Variants in AVPR1B observed in about 807,000 individuals in gnomAD.
The protein encoded by AVPR1B is arginine vasopressin receptor 1B, also known as vasopressin V1b receptor.
In AVPR1B, 25 loss-of-function variants were observed where a neutral mutation model predicts 27.5. The ratio of observed to expected loss-of-function variants is 0.91; its 90% confidence interval spans 0.66 to 1.27. AVPR1B has a LOEUF of 1.27. Among genes scored for constraint, AVPR1B ranks in the 50% most tolerant of loss-of-function variants. The pLI is 0.00. For missense variants in AVPR1B, 595 were observed against 556.9 expected (o/e 1.07, Z -0.69); for synonymous variants, 248 against 240.2 (o/e 1.03, Z -0.30).
Position 206,116,222 on chromosome 1 carries a change from G to A in AVPR1B, c.669C>T (p.Cys223=), listed in dbSNP as rs537657375. The change falls in exon 1 of 2, where the codon TGC becomes TGT. Residue 223 remains cysteine, a synonymous_variant. Transcript: ENST00000367126. The part of the protein sequence containing the change: ...TMLTACYSLI[C]HEICKNLKVK... Reference sequence around the variant, plus strand: ...CTTTTAGGTTTTTACAGATCTCATGGCAGATGAGGCTGTAGCAGGCCGTGA... The same window carrying A: ...CTTTTAGGTTTTTACAGATCTCATGACAGATGAGGCTGTAGCAGGCCGTGA... The A allele has an allele frequency of 1.9e-6, 3 of 1,613,970 alleles. No individual in the cohort carries two copies. In the Admixed American group the frequency reaches 5.0e-5, roughly 27 times the overall value.
intron 1 of AVPR1B, among the ~76,000 whole-genome samples, chr1:206,113,102 C>A (rs1421565692): frequency 1.3e-5 from 2 of 152,154 alleles, no homozygotes; most frequent in African/African-American, 4.8e-5. Flanking sequence ...TCCACAGGTT[C>A]CTTCATTTAG....
At position 206,116,309 on chromosome 1, in the gene AVPR1B, C is replaced by A; in HGVS notation, c.582G>T (p.Trp194Cys). 1.2e-6 allele frequency: 2 copies of A among 1,613,550 alleles called. No homozygotes were observed. The highest frequency in any genetic ancestry group is 1.7e-6 in the Non-Finnish European group (2 of 1,180,034). ...LDCWADFGFP[W>C]GPRAYLTWTT... ...TCCAGGTGAGGTAGGCCCGTGGCCCCCAAGGGAAGCCGAAGTCTGCCCAGC... is the reference window on the plus strand; with the variant it reads ...TCCAGGTGAGGTAGGCCCGTGGCCCACAAGGGAAGCCGAAGTCTGCCCAGC... Residue 194 changes from tryptophan (W) to cysteine (C), a missense_variant, in exon 1 of 2, where the codon TGG becomes TGT. Transcript: ENST00000367126.
Position 206,110,207 on chromosome 1 carries a change from A to C in AVPR1B, c.1257T>G (p.Ala419=). 1 of 1,611,520 alleles carries C rather than the reference A, an allele frequency of 6.2e-7. No individual in the cohort carries two copies. Among genetic ancestry groups the C allele is most frequent in the African/African-American group, 1.3e-5 (1 of 74,994 alleles). Residue 419 remains alanine (A), a synonymous_variant, in exon 2 of 2, where the codon GCT becomes GCG. Coordinates refer to ENST00000367126, the MANE Select transcript of AVPR1B (RefSeq NM_000707.5). ...DLELADGEGT[A]ETIIF ...GTCTTTCCTAAAAGATGATGGTCTCAGCGGTGCCTTCCCCATCTGCCAGCT... is the reference window on the plus strand; with the variant it reads ...GTCTTTCCTAAAAGATGATGGTCTCCGCGGTGCCTTCCCCATCTGCCAGCT...
In AVPR1B at chr1:206,116,428, C is replaced by T. The variant is rs1663472533; in HGVS notation, c.463G>A (p.Ala155Thr). Residue 155 changes from alanine (A) to threonine (T), a missense_variant, in exon 1 of 2, where the codon GCT (alanine) becomes ACT (threonine). By Grantham distance (58) the Ala-to-Thr change is moderately conservative. Transcript: ENST00000367126. ...ATGGCGGCCAGCAGCCAGGGAGCAG[C>T]GATGAGCAGGTAGGTGGACTGGCCT... is the stretch of plus-strand genomic sequence containing the variant. ...QPGQSTYLLI[A>T]APWLLAAIFS... 6.2e-7 allele frequency: 1 copy of T among 1,613,872 alleles called. No homozygotes were observed. Among genetic ancestry groups the T allele is most frequent in the South Asian group, 1.1e-5 (1 of 91,086 alleles).
chr1:206,115,228 G>A lies in AVPR1B; in HGVS notation c.940+723C>T, dbSNP rs940093995. 1.4e-4 allele frequency among the ~76,000 whole-genome samples: 22 copies of A among 151,946 alleles called. 1 individual carries two copies. Among genetic ancestry groups the A allele is most frequent in the South Asian group, 2.1e-4 (1 of 4,814 alleles). ...ATGCTGGTTAAAGATTAGGCAGCTC[G>A]GGGAAGAGAAAAAAAAAACACATAA... On this transcript the variant is annotated intron_variant, in intron 1 of 1. Coordinates refer to ENST00000367126, the MANE Select transcript of AVPR1B (RefSeq NM_000707.5).
At position 206,116,916 on chromosome 1, in the gene AVPR1B, A is replaced by C. The variant is rs1470596937; in HGVS notation, c.-26T>G. On this transcript the variant is annotated 5_prime_UTR_variant, in exon 1 of 2. Transcript: ENST00000367126. Reference sequence around the variant, plus strand: ...GAGCAAGGTTTGCTGGGAGGGAAGGATGAAGGGAGGGTGTGGATGCAAGTG... The same window carrying C: ...GAGCAAGGTTTGCTGGGAGGGAAGGCTGAAGGGAGGGTGTGGATGCAAGTG... 1.3e-6 allele frequency: 2 copies of C among 1,579,670 alleles called. No homozygotes were observed. The highest frequency in any genetic ancestry group is 4.5e-5 in the East Asian group (2 of 44,586).
At chr1:206,115,717 A>C (rs1663451756) in intron 1 of AVPR1B, among the ~76,000 whole-genome samples, 1 of 152,224 alleles carries the variant, frequency 6.6e-6, no homozygotes, top group African/African-American at 2.4e-5. Context: ...TAAAATTGTT[A>C]GTTACCAAAA....
chr1:206,107,645 G>T lies in AVPR1B; in HGVS notation c.*2544C>A, dbSNP rs1553289182. ...CCACCACCCCAAGTAAATTATTCTT[G>T]TGCAATGCAAAACAGAAAATATCAT... On this transcript the variant is annotated 3_prime_UTR_variant, in exon 2 of 2. Coordinates refer to ENST00000367126, the MANE Select transcript of AVPR1B (RefSeq NM_000707.5). 6.6e-6 allele frequency among the ~76,000 whole-genome samples: 1 copy of T among 152,208 alleles called. No individual in the cohort carries two copies. Among genetic ancestry groups the T allele is most frequent in the Non-Finnish European group, 1.5e-5 (1 of 68,048 alleles).
chr1:206,110,797 T>G (rs1306644611), intron 1 of AVPR1B, among the ~76,000 whole-genome samples: 1 of 152,142 alleles, frequency 6.6e-6, no homozygotes, highest in Non-Finnish European at 1.5e-5. Flanking sequence ...CAAGTTTAAT[T>G]GAGAAGAAGG....
chr1:206,113,111 A>T (rs1009605053), intron 1 of AVPR1B, among the ~76,000 whole-genome samples: 1 of 152,174 alleles, frequency 6.6e-6, no homozygotes, highest in South Asian at 2.1e-4. Flanking sequence ...TCCTTCATTT[A>T]GGAAGTGCCT....
chr1:206,115,979 G>A lies in AVPR1B; in HGVS notation c.912C>T (p.Ser304=), dbSNP rs1663459466. 13 of 1,608,802 alleles carry A rather than the reference G, an allele frequency of 8.1e-6. No individual in the cohort carries two copies. The highest frequency in any genetic ancestry group is 1.7e-5 in the Admixed American group (1 of 59,860). The change falls in exon 1 of 2, where the codon TCC becomes TCT. Residue 304 remains serine (S), a synonymous_variant. Transcript: ENST00000367126. The part of the protein sequence containing the change: ...WAPFFSVQMW[S]VWDKNAPDED... ...CATCAGGGGCATTCTTGTCCCACAC[G>A]GACCACATCTGGACACTGAAGAAGG...
rs1663306065 is a variant in AVPR1B, at chr1:206,107,925, T to A, written c.*2264A>T. ...AGTGGGCATTGCTATTTCTATTTAA[T>A]AAATGAAGAAAGCATTGCTGGGGGA... is the stretch of plus-strand genomic sequence containing the variant. On this transcript the variant is annotated 3_prime_UTR_variant, in exon 2 of 2. Coordinates refer to ENST00000367126, the MANE Select transcript of AVPR1B (RefSeq NM_000707.5). Among the ~76,000 whole-genome samples the A allele has an allele frequency of 6.6e-6, 1 of 152,216 alleles. No individual in the cohort carries two copies. The highest frequency in any genetic ancestry group is 6.5e-5 in the Admixed American group (1 of 15,278).
rs28570099 is a variant in AVPR1B at position 206,108,125 on chromosome 1, G to A, written c.*2064C>T. 0.2 allele frequency among the ~76,000 whole-genome samples: 29,683 copies of A among 152,138 alleles called. 2,953 individuals are homozygous for A. Among genetic ancestry groups the A allele is most frequent in the South Asian group, 0.25 (1,216 of 4,812 alleles). On this transcript the variant is annotated 3_prime_UTR_variant, in exon 2 of 2. Coordinates refer to ENST00000367126, the MANE Select transcript of AVPR1B (RefSeq NM_000707.5). ...AAACTGTGGTCTAAAGATGGGGCAA[G>A]GGGGTGGGGAGGCCGCTTTTGTAAG...
At position 206,111,272 on chromosome 1, in the gene AVPR1B, GA is replaced by G. The variant is rs564120484; in HGVS notation, c.941-750del. Reference sequence around the variant, plus strand: ...CCTAGGAACTGTACCTTTCTGCAGGGAAAAACTAATTTCTCTCTTGGGCAGT... The same window carrying G: ...CCTAGGAACTGTACCTTTCTGCAGGGAAAACTAATTTCTCTCTTGGGCAGT... On this transcript the variant is annotated intron_variant, in intron 1 of 1. Coordinates refer to ENST00000367126, the MANE Select transcript of AVPR1B (RefSeq NM_000707.5). Among the ~76,000 whole-genome samples, 169 of 148,410 alleles carry G rather than the reference GA, an allele frequency of 1.1e-3. 1 individual carries two copies. Among genetic ancestry groups the G allele is most frequent in the Non-Finnish European group, 1.9e-3 (127 of 67,720 alleles).
rs142045264 is a variant in AVPR1B at position 206,116,558 on chromosome 1, C to T, written c.333G>A (p.Lys111=). Residue 111 remains lysine (K), a synonymous_variant, in exon 1 of 2, where the codon AAG becomes AAA. Transcript: ENST00000367126. ...CAAACATGCTGAGCACCTGCAGGTA[C>T]TTGACGGCCCTGCACAGGAGGTCGG... is the stretch of plus-strand genomic sequence containing the variant. ...QGPDLLCRAV[K]YLQVLSMFAS... The T allele has an allele frequency of 3.9e-4, 634 of 1,614,040 alleles. No homozygotes were observed. The highest frequency in any genetic ancestry group is 5.2e-4 in the Non-Finnish European group (619 of 1,180,034).
chr1:206,116,996 CG>C lies in AVPR1B; in HGVS notation c.-107del. On this transcript the variant is annotated 5_prime_UTR_variant, in exon 1 of 2. Transcript: ENST00000367126. Reference sequence around the variant, plus strand: ...AGGGGAGGTGGAGAGAAAGGAGAAGCGTTGAGAATGACAGGGAGAAGGCTTG... The same window carrying C: ...AGGGGAGGTGGAGAGAAAGGAGAAGCTTGAGAATGACAGGGAGAAGGCTTG... The C allele has an allele frequency of 9.3e-7, 1 of 1,078,450 alleles. No individual in the cohort carries two copies. Among genetic ancestry groups the C allele is most frequent in the Non-Finnish European group, 1.4e-6 (1 of 732,406 alleles). The allele number at this position is 1,078,450 out of a possible 1,614,324, so 66.8% of individuals were successfully genotyped here. A position where few individuals can be genotyped will look rare whatever the true frequency, so the allele number is the denominator to read the frequency against.
At position 206,109,538 on chromosome 1, in the gene AVPR1B, G is replaced by A. The variant is rs575506142; in HGVS notation, c.*651C>T. 7.2e-5 allele frequency among the ~76,000 whole-genome samples: 11 copies of A among 152,032 alleles called. No individual in the cohort carries two copies. In the South Asian group the frequency reaches 8.3e-4, roughly 12 times the overall value. ...TCCACGCTGTCATGGGGGGTGGCACGAGGAGAAGAGGGACTGGCATTTGCA... is the reference window on the plus strand; with the variant it reads ...TCCACGCTGTCATGGGGGGTGGCACAAGGAGAAGAGGGACTGGCATTTGCA... On this transcript the variant is annotated 3_prime_UTR_variant, in exon 2 of 2. Transcript: ENST00000367126.
At chr1:206,115,070 G>T (rs28548842) in intron 1 of AVPR1B, among the ~76,000 whole-genome samples, 1 of 152,182 alleles carries the variant, frequency 6.6e-6, no homozygotes, top group Admixed American at 6.5e-5. Context: ...GACCCCATAT[G>T]AGAATCAGCT....
Position 206,116,031 on chromosome 1 carries a change from A to G in AVPR1B, c.860T>C (p.Val287Ala), listed in dbSNP as rs1663460594. The stretch of plus-strand genomic sequence containing the variant: ...AGCCCAGCAAGCGATGTAGGCCAGC[A>G]CGATGACAAAGGTCATCTTCACTGT... ...IRTVKMTFVI[V>A]LAYIACWAPF... is the part of the protein sequence containing the mutation. The change falls in exon 1 of 2, where the codon GTG becomes GCG. Residue 287 changes from valine to alanine, a missense_variant. Physicochemically the swap from Val to Ala is moderately conservative, Grantham distance 64 (BLOSUM62 0). Transcript: ENST00000367126. 1.2e-6 allele frequency: 2 copies of G among 1,614,208 alleles called. No individual in the cohort carries two copies. Among genetic ancestry groups the G allele is most frequent in the Non-Finnish European group, 1.7e-6 (2 of 1,180,048 alleles).
Sources: gnomAD v4.1 joint callset for allele counts (sites outside exome capture counted in the v4.1 genomes callset) on GRCh38, gnomAD v4.1.1 for gene constraint, MANE v1.5 for transcripts, NCBI Gene and HGNC (gene_info 2026-07-23, HGNC 2026-07-21) for gene names.